The following CDH18 variants were observed in gnomAD, a reference collection of about 807,000 sequenced individuals.
The protein encoded by CDH18 is cadherin 18.
Under a neutral mutation model 67.9 loss-of-function variants are expected in CDH18, and 31 were observed. The observed-to-expected ratio is 0.46, with a 90% CI of 0.34 to 0.62. CDH18 has a LOEUF of 0.62. Ranked by LOEUF, CDH18 falls within the 20% of genes least tolerant of loss-of-function variation. The pLI, the probability that CDH18 is intolerant of heterozygous loss-of-function variation, is 0.01. For synonymous variants in CDH18, 362 were observed against 347.2 expected (o/e 1.04, Z -0.48); for missense variants, 890 against 975.5 (o/e 0.91, Z 1.17).
At chr5:20,461,388 A>G (rs1751255696) in intron 1 of CDH18, among the ~76,000 whole-genome samples, 2 of 152,138 alleles carry the variant, frequency 1.3e-5, no homozygotes, top group Non-Finnish European at 2.9e-5. Flanking sequence ...CAACTATGCT[A>G]AAATTAAGTT....
intron 2 of CDH18, among the ~76,000 whole-genome samples, chr5:19,974,732 T>C (rs1398677506): frequency 3.3e-5 from 5 of 152,044 alleles, no homozygotes; most frequent in Non-Finnish European, 5.9e-5. Context: ...TTGGTACTAG[T>C]TCATATAGAT....
intron 2 of CDH18, among the ~76,000 whole-genome samples, chr5:20,117,357 C>T (rs770684246): frequency 6.2e-4 from 95 of 152,038 alleles, no homozygotes; most frequent in Non-Finnish European, 1.2e-3. Flanking sequence ...ACTAATTTCC[C>T]TTCAATTAAT....
intron 1 of CDH18, among the ~76,000 whole-genome samples, chr5:20,449,502 A>G (rs115983008): frequency 6.6e-6 from 1 of 152,206 alleles, no homozygotes; most frequent in Non-Finnish European, 1.5e-5. Context: ...ATTTAATAAC[A>G]TCTCCCACAA....
chr5:19,636,778 CA>C lies in CDH18; in HGVS notation c.644-24178del, dbSNP rs568252583. On this transcript the variant is annotated intron_variant, in intron 5 of 12. Transcript: ENST00000382275. ...ATGTTCACAGTTTCTTACAAGTTAGCAAAAAAAAAATGCCTTTGGATGTTAA... is the reference window on the plus strand; with the variant it reads ...ATGTTCACAGTTTCTTACAAGTTAGCAAAAAAAAATGCCTTTGGATGTTAA... 4.7e-4 allele frequency among the ~76,000 whole-genome samples: 68 copies of C among 145,106 alleles called. No homozygotes were observed. In the East Asian group the frequency reaches 6.0e-3, roughly 13 times the overall value.
chr5:19,613,548 TTAG>T (rs1749341867), intron 5 of CDH18, among the ~76,000 whole-genome samples: 1 of 152,292 alleles, frequency 6.6e-6, no homozygotes, highest in East Asian at 1.9e-4. Flanking sequence ...ATTTTTTATC[TTAG>T]TAGTGCAAAG....
chr5:19,576,893 G>A (rs892089621), intron 7 of CDH18, among the ~76,000 whole-genome samples: 9 of 152,092 alleles, frequency 5.9e-5, no homozygotes, highest in Non-Finnish European at 1.3e-4. Flanking sequence ...GATACACAGT[G>A]GAATACTATT....
chr5:19,818,317 T>C (rs1246009786), intron 3 of CDH18, among the ~76,000 whole-genome samples: 3 of 152,176 alleles, frequency 2.0e-5, no homozygotes, highest in African/African-American at 7.2e-5. Flanking sequence ...AAGTCTATTA[T>C]AATGAGCATT....
intron 1 of CDH18, among the ~76,000 whole-genome samples, chr5:20,550,579 C>G (rs1757577381): frequency 6.6e-6 from 1 of 152,128 alleles, no homozygotes; most frequent in Non-Finnish European, 1.5e-5. Flanking sequence ...ATGCCACATA[C>G]TCAGAGACTG....
At chr5:20,441,195 A>G (rs1749580813) in intron 1 of CDH18, among the ~76,000 whole-genome samples, 1 of 151,924 alleles carries the variant, frequency 6.6e-6, no homozygotes, top group Non-Finnish European at 1.5e-5. Context: ...CACTCAATTT[A>G]CAAAGCCAAA....
At chr5:20,448,269 T>A (rs1045430141) in intron 1 of CDH18, among the ~76,000 whole-genome samples, 3 of 149,708 alleles carry the variant, frequency 2.0e-5, no homozygotes, top group African/African-American at 7.6e-5. Context: ...ATAGTGTATA[T>A]GTGCCACATT....
intron 12 of CDH18, among the ~76,000 whole-genome samples, chr5:19,480,967 C>T (rs1739328084): frequency 6.6e-6 from 1 of 152,126 alleles, no homozygotes; most frequent in African/African-American, 2.4e-5. Flanking sequence ...CACCAAACTT[C>T]CATCCTTCAT....
chr5:20,383,575 G>A (rs1207406692), intron 1 of CDH18, among the ~76,000 whole-genome samples: 2 of 152,124 alleles, frequency 1.3e-5, no homozygotes, highest in South Asian at 2.1e-4. Context: ...CAAGGATGGA[G>A]AATAATTTCT....
chr5:20,561,700 A>G (rs1339508447), intron 1 of CDH18, among the ~76,000 whole-genome samples: 1 of 151,998 alleles, frequency 6.6e-6, no homozygotes, highest in Non-Finnish European at 1.5e-5. Flanking sequence ...TTGTCAAAGC[A>G]CATAGCATGT....
intron 5 of CDH18, among the ~76,000 whole-genome samples, chr5:19,707,957 AT>A (rs1254452964): frequency 2.0e-5 from 3 of 152,190 alleles, no homozygotes; most frequent in African/African-American, 7.2e-5. Context: ...GCTGGTCTGA[AT>A]AAAATAGTCA....
rs144516249 is a variant in CDH18, at chr5:20,402,800, C to T, written c.-579-147295G>A. On this transcript the variant is annotated intron_variant, in intron 1 of 14. Transcript: ENST00000507958. ...GCAGTTTCTTAAAATACCCACTACT[C>T]GGGAGGCTGAGGCAGGAGAATTGCT... Among the ~76,000 whole-genome samples the T allele has an allele frequency of 1.2e-4, 18 of 151,826 alleles. No individual in the cohort carries two copies. The East Asian group carries it at 2.9e-3, about 25-fold the overall frequency.
At chr5:20,183,911 C>T (rs1737890773) in intron 2 of CDH18, among the ~76,000 whole-genome samples, 1 of 151,988 alleles carries the variant, frequency 6.6e-6, no homozygotes, top group Admixed American at 6.6e-5. Flanking sequence ...ATGAATCTTC[C>T]TCAAAATTTA....
Position 19,856,571 on chromosome 5 carries a change from G to A in CDH18, c.-256-17329C>T, listed in dbSNP as rs139741932. On this transcript the variant is annotated intron_variant, in intron 2 of 12. Coordinates refer to ENST00000382275, the MANE Select transcript of CDH18 (RefSeq NM_004934.5). Reference sequence around the variant, plus strand: ...TGAAGTCTAAATCTCCAGTACCTCCGAATGTGAACGGGTTTAAAAATAAAG... The same window carrying A: ...TGAAGTCTAAATCTCCAGTACCTCCAAATGTGAACGGGTTTAAAAATAAAG... Among the ~76,000 whole-genome samples the A allele has an allele frequency of 1.1e-3, 168 of 152,152 alleles. 2 individuals carry two copies. In the East Asian group the frequency reaches 0.018, roughly 16 times the overall value.
At chr5:19,644,088 G>C (rs1331576393) in intron 5 of CDH18, among the ~76,000 whole-genome samples, 1 of 152,026 alleles carries the variant, frequency 6.6e-6, no homozygotes, top group African/African-American at 2.4e-5. Context: ...ATTTAATTTT[G>C]AGCAAGAGAT....
At chr5:19,570,207 C>T (rs1741155446) in intron 8 of CDH18, among the ~76,000 whole-genome samples, 1 of 151,998 alleles carries the variant, frequency 6.6e-6, no homozygotes, top group South Asian at 2.1e-4. Flanking sequence ...GCAAAACGGG[C>T]TTTCCTTTGG....
Sources: gnomAD v4.1 joint callset for allele counts (sites outside exome capture counted in the v4.1 genomes callset) on GRCh38, gnomAD v4.1.1 for gene constraint, MANE v1.5 for transcripts, NCBI Gene and HGNC (gene_info 2026-07-23, HGNC 2026-07-21) for gene names.